Variants in CELSR1 observed in about 807,000 individuals in gnomAD.
CELSR1 encodes the protein cadherin EGF LAG seven-pass G-type receptor 1, also known as adhesion G protein-coupled receptor C1.
In CELSR1, 110 loss-of-function variants were observed where a neutral mutation model predicts 249.1. The ratio of observed to expected loss-of-function variants is 0.44; its 90% CI spans 0.38 to 0.52. The LOEUF (loss-of-function observed/expected upper bound fraction) is 0.52, where lower values mean the gene tolerates loss of function less well. CELSR1 is among the 20% of genes least tolerant of loss of function. The pLI is 0.00. For synonymous variants in CELSR1, 2,113 were observed against 1,900.0 expected (o/e 1.11, Z -2.92); for missense variants, 4,109 against 4,296.4 (o/e 0.96, Z 1.22).
chr22:46,463,865 T>A lies in CELSR1; in HGVS notation c.4025A>T (p.His1342Leu), dbSNP rs1489471148. 6.2e-7 allele frequency: 1 copy of A among 1,611,180 alleles called. No individual in the cohort carries two copies. Among genetic ancestry groups the A allele is most frequent in the Admixed American group, 1.7e-5 (1 of 59,844 alleles). Residue 1342 changes from histidine (H) to leucine (L), a missense_variant, in exon 2 of 35, where the codon CAC becomes CTC. Transcript: ENST00000674500. Reference protein sequence around the residue: ...SSTTVLFRPIHPINGLRCRCP... With the variant: ...SSTTVLFRPILPINGLRCRCP... ...GCGGCAGCGCAGGCCGTTGATGGGG[T>A]GGATGGGCCGGAAGAGCACGGTGGT...
At chr22:46,377,439 G>A (rs759514529) in intron 23 of CELSR1, 178 bp from the exon 24 acceptor site, 22 of 679,452 alleles carry the variant, frequency 3.2e-5, no homozygotes, top group Non-Finnish European at 5.3e-5. Flanking sequence ...CCCTCCTGAG[G>A]CTCCTTCAAT....
At chr22:46,438,063 G>A (rs2079685957) in intron 3 of CELSR1, among the ~76,000 whole-genome samples, 1 of 152,208 alleles carries the variant, frequency 6.6e-6, no homozygotes, top group Admixed American at 6.5e-5. Context: ...CGGCCCCCCT[G>A]GCAAGCACAC....
At position 46,464,302 on chromosome 22, in the gene CELSR1, G is replaced by A; in HGVS notation, c.3588C>T (p.Thr1196=). 1 of 1,613,360 alleles carries A rather than the reference G, an allele frequency of 6.2e-7. No individual in the cohort carries two copies. The highest frequency in any genetic ancestry group is 8.5e-7 in the Non-Finnish European group (1 of 1,180,018). The change falls in exon 2 of 35, where the codon ACC becomes ACT. Residue 1196 remains threonine (T), a synonymous_variant. Coordinates refer to ENST00000674500, the MANE Select transcript of CELSR1 (RefSeq NM_001378328.1). This position sits in a 1 kb window ranked among gnomAD's most constrained non-coding sequence, Gnocchi z 8.5. The stretch of plus-strand genomic sequence containing the variant: ...TGGTCAGCATGTCGTCCGTGATGAT[G>A]GTGACACGCAGGGTGCAGAAGGCCG... ...SVTAFCTLRV[T]IITDDMLTNS...
At position 46,363,484 on chromosome 22, in the gene CELSR1, T is replaced by G; in HGVS notation, c.9036-237A>C. Reference sequence around the variant, plus strand: ...TGGTCTTTCAGAAGAGCGCAAGGAATCCACGTTAGAAACCGGCCATCTCTA... The same window carrying G: ...TGGTCTTTCAGAAGAGCGCAAGGAAGCCACGTTAGAAACCGGCCATCTCTA... On this transcript the variant is annotated intron_variant, in intron 34 of 34. Coordinates refer to ENST00000674500, the MANE Select transcript of CELSR1 (RefSeq NM_001378328.1). The surrounding 1 kb of genome is among the most constrained non-coding windows in gnomAD (Gnocchi z 4.3). The G allele has an allele frequency of 2.1e-6, 1 of 475,352 alleles. No homozygotes were observed. The highest frequency in any genetic ancestry group is 3.8e-6 in the Non-Finnish European group (1 of 261,490). The allele number at this position is 475,352 out of a possible 1,614,324, so 29.4% of individuals were successfully genotyped here. A position where few individuals can be genotyped will look rare whatever the true frequency, so the allele number is the denominator to read the frequency against.
In CELSR1 at chr22:46,473,532, A is replaced by G. The variant is rs2080177005; in HGVS notation, c.3545-9187T>C. Among the ~76,000 whole-genome samples the G allele has an allele frequency of 6.6e-6, 1 of 152,134 alleles. No individual in the cohort carries two copies. The highest frequency in any genetic ancestry group is 1.5e-5 in the Non-Finnish European group (1 of 68,014). ...AGTCTCCGTCACCACCCCATGCACC[A>G]AAGCCTGGGGGGCTCCTCCACTCTC... On this transcript the variant is annotated intron_variant, in intron 1 of 34. Transcript: ENST00000674500. The surrounding 1 kb of genome is among the most constrained non-coding windows in gnomAD (Gnocchi z 6.6).
intron 3 of CELSR1, 109 bp downstream of exon 3, chr22:46,439,080 G>C (rs1180791963): frequency 1.9e-6 from 2 of 1,080,962 alleles, no homozygotes; most frequent in Non-Finnish European, 1.4e-6. Flanking sequence ...ACTATCAAAG[G>C]CCACACACGG....
chr22:46,509,619 G>A (rs1027268036), intron 1 of CELSR1, among the ~76,000 whole-genome samples: 24 of 77,602 alleles, frequency 3.1e-4, no homozygotes, highest in African/African-American at 9.6e-4. Context: ...AGGATGTCCC[G>A]TCACAGAGGC....
Position 46,401,821 on chromosome 22 carries a change from G to C in CELSR1, c.5227-1919C>G, listed in dbSNP as rs2079213317. On this transcript the variant is annotated intron_variant, in intron 9 of 34. Transcript: ENST00000674500. This position sits in a 1 kb window ranked among gnomAD's most constrained non-coding sequence, Gnocchi z 4.7. Reference sequence around the variant, plus strand: ...CCAGCTTTGAACCACCTCAGTCTGTGACTGCATTAAACTCTGTGACTTTGG... The same window carrying C: ...CCAGCTTTGAACCACCTCAGTCTGTCACTGCATTAAACTCTGTGACTTTGG... 6.6e-6 allele frequency among the ~76,000 whole-genome samples: 1 copy of C among 152,160 alleles called. No homozygotes were observed. Among genetic ancestry groups the C allele is most frequent in the Non-Finnish European group, 1.5e-5 (1 of 68,022 alleles).
At position 46,409,933 on chromosome 22, in the gene CELSR1, C is replaced by T. The variant is rs913421396; in HGVS notation, c.4934-53G>A. 77 of 1,600,972 alleles carry T rather than the reference C, an allele frequency of 4.8e-5. No individual in the cohort carries two copies. The highest frequency in any genetic ancestry group is 1.7e-4 in the Middle Eastern group (1 of 6,060). On this transcript the variant is annotated intron_variant, in intron 7 of 34. Transcript: ENST00000674500. This position sits in a 1 kb window ranked among gnomAD's most constrained non-coding sequence, Gnocchi z 9.8. ...CTGACTCGGAGGAACCGCCCGGGGTCCCCGGCGCCAGACGTGGCGTGGGAA... is the reference window on the plus strand; with the variant it reads ...CTGACTCGGAGGAACCGCCCGGGGTTCCCGGCGCCAGACGTGGCGTGGGAA...
In CELSR1 at chr22:46,366,472, G is replaced by C. The variant is rs1488291631; in HGVS notation, c.8214C>G (p.Leu2738=). ...TTRATLLTRS[L]NCNTTFGDGP... ...CGTCACCGAAGGTGGTGTTGCAGTT[G>C]AGGGAGCGCTGAAGGGAGGGGAGGG... Residue 2738 remains leucine (L), a synonymous_variant, in exon 30 of 35, where the codon CTC becomes CTG. Coordinates refer to ENST00000674500, the MANE Select transcript of CELSR1 (RefSeq NM_001378328.1). The C allele has an allele frequency of 6.5e-7, 1 of 1,550,250 alleles. No homozygotes were observed. The highest frequency in any genetic ancestry group is 2.0e-5 in the Admixed American group (1 of 50,968).
intron 1 of CELSR1, among the ~76,000 whole-genome samples, chr22:46,489,024 G>T (rs1008987122): frequency 1.3e-5 from 2 of 152,008 alleles, no homozygotes; most frequent in Non-Finnish European, 2.9e-5. Context: ...TGTCAGCTCA[G>T]ACCCCCAGAC....
rs148190490 is a variant in CELSR1, at chr22:46,427,788, C to T, written c.4611+5605G>A. On this transcript the variant is annotated intron_variant, in intron 5 of 34. Transcript: ENST00000674500. The surrounding 1 kb of genome is among the most constrained non-coding windows in gnomAD (Gnocchi z 4.2). ...AAGGAGGGAGGGAAAGGGAAGGCTACGTGGCCTCACCCAGGGGACCACACA... is the reference window on the plus strand; with the variant it reads ...AAGGAGGGAGGGAAAGGGAAGGCTATGTGGCCTCACCCAGGGGACCACACA... Among the ~76,000 whole-genome samples, 696 of 152,194 alleles carry T rather than the reference C, an allele frequency of 4.6e-3. 17 individuals are homozygous for T. Among genetic ancestry groups the T allele is most frequent in the Admixed American group, 0.042 (642 of 15,300 alleles).
At position 46,468,853 on chromosome 22, in the gene CELSR1, T is replaced by C. The variant is rs2147611223; in HGVS notation, c.3545-4508A>G. ...CACTTTGGGAGGCCGAGGCGGCAGATCACCTGAGGTCAGGAGTTCGAGACC... is the reference window on the plus strand; with the variant it reads ...CACTTTGGGAGGCCGAGGCGGCAGACCACCTGAGGTCAGGAGTTCGAGACC... On this transcript the variant is annotated intron_variant, in intron 1 of 34. Transcript: ENST00000674500. The surrounding 1 kb of genome is among the most constrained non-coding windows in gnomAD (Gnocchi z 4.5). Among the ~76,000 whole-genome samples, 1 of 152,252 alleles carries C rather than the reference T, an allele frequency of 6.6e-6. No homozygotes were observed. The highest frequency in any genetic ancestry group is 6.5e-5 in the Admixed American group (1 of 15,286).
chr22:46,433,403 T>C lies in CELSR1; in HGVS notation c.4601A>G (p.Tyr1534Cys). 1 of 1,613,560 alleles carries C rather than the reference T, an allele frequency of 6.2e-7. No individual in the cohort carries two copies. Among genetic ancestry groups the C allele is most frequent in the Non-Finnish European group, 8.5e-7 (1 of 1,179,670 alleles). ...TGGGGCCCATCTTACCTTGTTGTAG[T>C]ACTGCACCTGCACAGAGTGCCACCG... The part of the protein sequence containing the change: ...DGRWHSVQVQ[Y>C]YNKPNIGHLG... Residue 1534 changes from tyrosine to cysteine, a missense_variant, in exon 5 of 35, where the codon TAC becomes TGC. Around this residue, in one of 7 missense-constraint regions of CELSR1, gnomAD observed 453 missense variants for 492.0 expected, o/e 0.92. Transcript: ENST00000674500. This position sits in a 1 kb window ranked among gnomAD's most constrained non-coding sequence, Gnocchi z 5.7.
intron 22 of CELSR1, among the ~76,000 whole-genome samples, 191 bp from the exon 23 acceptor site, chr22:46,378,908 C>T (rs1246880065): frequency 2.6e-5 from 4 of 152,196 alleles, no homozygotes; most frequent in Non-Finnish European, 4.4e-5. Context: ...CAGCCCCCTA[C>T]ACCGAAGACA....
At chr22:46,455,590 T>C (rs1258934774) in intron 2 of CELSR1, among the ~76,000 whole-genome samples, 3 of 152,202 alleles carry the variant, frequency 2.0e-5, no homozygotes, top group Non-Finnish European at 4.4e-5. Context: ...CGTGAACCAC[T>C]GCACTTGGCT....
In CELSR1 at chr22:46,363,550, C is replaced by T. The variant is rs1264271645; in HGVS notation, c.9036-303G>A. The T allele has an allele frequency of 2.5e-5, 9 of 359,868 alleles. No individual in the cohort carries two copies. In the Admixed American group the frequency reaches 3.3e-4, roughly 13 times the overall value. The allele number at this position is 359,868 out of a possible 1,614,324, so 22.3% of individuals were successfully genotyped here. A position where few individuals can be genotyped will look rare whatever the true frequency, so the allele number is the denominator to read the frequency against. On this transcript the variant is annotated intron_variant, in intron 34 of 34. Coordinates refer to ENST00000674500, the MANE Select transcript of CELSR1 (RefSeq NM_001378328.1). This position sits in a 1 kb window ranked among gnomAD's most constrained non-coding sequence, Gnocchi z 4.3. Reference sequence around the variant, plus strand: ...GGGGCATTCTGAAGACCTGGCTTCTCCCTTGTGAGTTTGGAGGGAGGGAGG... The same window carrying T: ...GGGGCATTCTGAAGACCTGGCTTCTTCCTTGTGAGTTTGGAGGGAGGGAGG...
intron 1 of CELSR1, among the ~76,000 whole-genome samples, chr22:46,492,093 G>A (rs2080372944): frequency 6.6e-6 from 1 of 152,240 alleles, no homozygotes; most frequent in Admixed American, 6.5e-5. Context: ...AACGGTCAGG[G>A]CGCTGCGACC....
chr22:46,531,762 CAT>C (rs1342594929), intron 1 of CELSR1, among the ~76,000 whole-genome samples: 1 of 152,124 alleles, frequency 6.6e-6, no homozygotes, highest in Non-Finnish European at 1.5e-5. Flanking sequence ...CAGGGAAACA[CAT>C]GAGAGCGCAA....
Sources: gnomAD v4.1 joint callset for allele counts (sites outside exome capture counted in the v4.1 genomes callset) on GRCh38, gnomAD v4.1.1 for gene constraint, gnomAD v4.1.1 regional missense constraint, Gnocchi (gnomAD v3.1) non-coding constraint, MANE v1.5 for transcripts, NCBI Gene and HGNC (gene_info 2026-07-23, HGNC 2026-07-21) for gene names.